Variants in KIAA1671 observed in about 807,000 individuals in gnomAD.
KIAA1671 encodes KIAA1671, also known as uncharacterized protein KIAA1671.
In KIAA1671, 52 loss-of-function variants were observed where a neutral mutation model predicts 131.2. That is an observed-to-expected ratio of 0.40 (90% CI 0.32 to 0.50). The LOEUF (loss-of-function observed/expected upper bound fraction) is 0.50. KIAA1671 is among the 20% of genes least tolerant of loss of function. The pLI, the probability that KIAA1671 is intolerant of heterozygous loss-of-function variation, is 0.73. For missense variants in KIAA1671, 2,360 were observed against 2,364.2 expected, an observed-to-expected ratio of 1.00 and a Z score of 0.04; for synonymous variants, 1,003 against 961.6, an observed-to-expected ratio of 1.04 and a Z score of -0.80.
chr22:25,135,723 C>T (rs2145952117), intron 6 of KIAA1671, among the ~76,000 whole-genome samples: 1 of 152,358 alleles, frequency 6.6e-6, no homozygotes, highest in South Asian at 2.1e-4. Context: ...TGGGTGTCAG[C>T]TCCAGAAAAG....
intron 6 of KIAA1671, among the ~76,000 whole-genome samples, chr22:25,102,096 C>T (rs139949509): frequency 1.1e-4 from 17 of 152,278 alleles, no homozygotes; most frequent in Non-Finnish European, 2.4e-4. Flanking sequence ...AAGGCTGAAC[C>T]AGAGATGTCA....
intron 6 of KIAA1671, among the ~76,000 whole-genome samples, chr22:25,126,086 C>A (rs1432938095): frequency 6.6e-6 from 1 of 152,136 alleles, no homozygotes; most frequent in African/African-American, 2.4e-5. Flanking sequence ...TTCTAGTTAT[C>A]ACCTGTCAAA....
intron 1 of KIAA1671, among the ~76,000 whole-genome samples, chr22:25,015,245 A>G (rs1304339257): frequency 2.6e-5 from 4 of 151,468 alleles, no homozygotes; most frequent in Non-Finnish European, 5.9e-5. Context: ...AAAAAAAAAA[A>G]AAAGGCAGCA....
intron 1 of KIAA1671, among the ~76,000 whole-genome samples, chr22:24,989,813 T>C (rs1382615558): frequency 6.6e-6 from 1 of 152,096 alleles, no homozygotes; most frequent in Non-Finnish European, 1.5e-5. Flanking sequence ...GCGGGGTGAA[T>C]GTCCGCCCGG....
chr22:25,183,581 T>G (rs116973513), intron 10 of KIAA1671, among the ~76,000 whole-genome samples: 3,312 of 151,332 alleles, frequency 0.022, 56 homozygotes, highest in Middle Eastern at 0.041. Context: ...CAGGCTAGAG[T>G]GCAGTGGTGT....
At chr22:25,021,936 G>A (rs1263610518) in intron 1 of KIAA1671, among the ~76,000 whole-genome samples, 3 of 151,954 alleles carry the variant, frequency 2.0e-5, no homozygotes, top group East Asian at 3.8e-4. Flanking sequence ...ACAGGCACCC[G>A]CCACCACGCC....
chr22:24,980,003 T>A (rs1400436203), intron 1 of KIAA1671, among the ~76,000 whole-genome samples: 1 of 151,812 alleles, frequency 6.6e-6, no homozygotes, highest in East Asian at 1.9e-4. Flanking sequence ...TCTTGCTCTG[T>A]TGCCAGGCTG....
intron 6 of KIAA1671, among the ~76,000 whole-genome samples, chr22:25,094,233 A>G (rs1292614441): frequency 6.6e-6 from 1 of 152,046 alleles, no homozygotes; most frequent in Admixed American, 6.6e-5. Flanking sequence ...GCCCAGTTTA[A>G]ATGCAGGTGT....
At chr22:24,996,212 C>T (rs187180778) in intron 1 of KIAA1671, among the ~76,000 whole-genome samples, 5 of 151,908 alleles carry the variant, frequency 3.3e-5, no homozygotes, top group East Asian at 1.9e-4. Context: ...CAGGGTGTCT[C>T]GGTGGAGGGC....
Position 25,034,894 on chromosome 22 carries a change from C to T in KIAA1671, c.1629+2198C>T, listed in dbSNP as rs995348449. Among the ~76,000 whole-genome samples the T allele has an allele frequency of 4.0e-5, 6 of 151,020 alleles. No homozygotes were observed. In the East Asian group the frequency reaches 5.9e-4, roughly 15 times the overall value. ...CTGGGACTACAGAGGCCCGCCACCA[C>T]GCCTGGCTAATTTTTTGTATTTTTA... On this transcript the variant is annotated intron_variant, in intron 4 of 12. Transcript: ENST00000358431.
chr22:24,994,818 C>T (rs1420437473), intron 1 of KIAA1671, among the ~76,000 whole-genome samples: 1 of 152,108 alleles, frequency 6.6e-6, no homozygotes, highest in African/African-American at 2.4e-5. Flanking sequence ...ACTGTATCAT[C>T]GTCAGAGCTG....
In KIAA1671 at chr22:25,028,386, C is replaced by T; in HGVS notation, c.387C>T (p.Pro129=). Reference sequence around the variant, plus strand: ...GGGAGGGCCCGAGGACGAGCTCGCCCCTCTTCAACAAGGCTGTGTTCCTGC... The same window carrying T: ...GGGAGGGCCCGAGGACGAGCTCGCCTCTCTTCAACAAGGCTGTGTTCCTGC... ...GSGEGPRTSS[P]LFNKAVFLRP... is the part of the protein sequence containing the mutation. Residue 129 remains proline, a synonymous_variant, in exon 3 of 13, where the codon CCC becomes CCT. Coordinates refer to ENST00000358431, the MANE Select transcript of KIAA1671 (RefSeq NM_001145206.2). 5 of 1,551,006 alleles carry T rather than the reference C, an allele frequency of 3.2e-6. No individual in the cohort carries two copies. The highest frequency in any genetic ancestry group is 2.0e-5 in the Admixed American group (1 of 50,982).
chr22:25,106,246 T>C (rs1930999985), intron 6 of KIAA1671, among the ~76,000 whole-genome samples: 1 of 152,106 alleles, frequency 6.6e-6, no homozygotes, highest in African/African-American at 2.4e-5. Flanking sequence ...ACCCCTAGAG[T>C]GTGAATTGCA....
At chr22:25,139,609 T>C (rs570521168) in intron 6 of KIAA1671, among the ~76,000 whole-genome samples, 1 of 152,332 alleles carries the variant, frequency 6.6e-6, no homozygotes, top group South Asian at 2.1e-4. Flanking sequence ...ATTTACTTTC[T>C]AGTTGGAGTT....
intron 1 of KIAA1671, among the ~76,000 whole-genome samples, chr22:24,982,999 C>T (rs1296739815): frequency 6.6e-6 from 1 of 152,172 alleles, no homozygotes; most frequent in Non-Finnish European, 1.5e-5. Flanking sequence ...TTGGAAAGTA[C>T]TCCTCTGACA....
At chr22:25,177,260 C>T (rs1267365781) in intron 8 of KIAA1671, 88 bp from the exon 9 acceptor site, 8 of 1,286,632 alleles carry the variant, frequency 6.2e-6, no homozygotes, top group African/African-American at 6.0e-5. Context: ...CATCTGTCAA[C>T]GAAGCTGTGT....
chr22:25,178,140 G>T (rs940585021), intron 9 of KIAA1671, among the ~76,000 whole-genome samples: 1 of 152,188 alleles, frequency 6.6e-6, no homozygotes, highest in African/African-American at 2.4e-5. Flanking sequence ...GGGGGATGCT[G>T]CAGTGGTACA....
At chr22:25,033,574 GTTTTTT>G (rs71191019) in intron 4 of KIAA1671, among the ~76,000 whole-genome samples, 5 of 58,426 alleles carry the variant, frequency 8.6e-5, no homozygotes, top group South Asian at 9.7e-4. Context: ...GTTTGTTTTC[GTTTTTT>G]TTTTTTTTTT....
At chr22:24,978,253 T>G (rs1923016703) in intron 1 of KIAA1671, among the ~76,000 whole-genome samples, 1 of 152,170 alleles carries the variant, frequency 6.6e-6, no homozygotes, top group African/African-American at 2.4e-5. Flanking sequence ...TTGGTAGTGA[T>G]TAAGTCTCAC....
Sources: gnomAD v4.1 joint callset for allele counts (sites outside exome capture counted in the v4.1 genomes callset) on GRCh38, gnomAD v4.1.1 for gene constraint, MANE v1.5 for transcripts, NCBI Gene and HGNC (gene_info 2026-07-23, HGNC 2026-07-21) for gene names.